The following UGGT1 variants were observed in gnomAD, a reference collection of about 807,000 sequenced individuals.
UGGT1 encodes UDP-glucose:glycoprotein glucosyltransferase 1.
Under a neutral mutation model 203.9 loss-of-function variants are expected in UGGT1, and 107 were observed. The ratio of observed to expected loss-of-function variants is 0.52; its 90% CI spans 0.45 to 0.62. The LOEUF (loss-of-function observed/expected upper bound fraction) is 0.62, where lower values mean the gene tolerates loss of function less well. Ranked by LOEUF, UGGT1 falls within the 20% of genes least tolerant of loss-of-function variation. The pLI is 0.00. For missense variants in UGGT1, 1,673 were observed against 1,867.2 expected, an observed-to-expected ratio of 0.90 and a Z score of 1.92; for synonymous variants, 628 against 653.5, an observed-to-expected ratio of 0.96 and a Z score of 0.59.
intron 10 of UGGT1, 107 bp downstream of exon 10, chr2:128,121,405 C>CTT (rs10636999): frequency 0.31 from 139,681 of 449,430 alleles, 12,181 homozygotes; most frequent in Admixed American, 0.42. Flanking sequence ...AATTAAGATT[C>CTT]TTTTTTTTTT....
chr2:128,177,624 T>C (rs1691466384), intron 32 of UGGT1, among the ~76,000 whole-genome samples: 1 of 152,226 alleles, frequency 6.6e-6, no homozygotes, highest in Non-Finnish European at 1.5e-5. Flanking sequence ...AAGAGGTTGC[T>C]GTCTCCTCAC....
At position 128,127,351 on chromosome 2, in the gene UGGT1, A is replaced by C; in HGVS notation, c.1135-10A>C. On this transcript the variant is annotated splice_polypyrimidine_tract_variant and intron_variant, in intron 11 of 40. Coordinates refer to ENST00000259253, the MANE Select transcript of UGGT1 (RefSeq NM_020120.4). ...CTCACAGCTCCCTAATAATTATTAA[A>C]ATTTTTCAGTATTTCAAGGGAACTT... is the stretch of plus-strand genomic sequence containing the variant. 6.3e-7 allele frequency: 1 copy of C among 1,599,794 alleles called. No individual in the cohort carries two copies. Among genetic ancestry groups the C allele is most frequent in the Non-Finnish European group, 8.5e-7 (1 of 1,169,902 alleles).
intron 25 of UGGT1, among the ~76,000 whole-genome samples, chr2:128,163,977 A>C (rs917876215): frequency 2.0e-5 from 3 of 152,168 alleles, no homozygotes; most frequent in African/African-American, 7.2e-5. Context: ...CCAGGAGTTC[A>C]AGACCAGCCT....
chr2:128,164,543 G>A (rs1274800883), intron 25 of UGGT1, among the ~76,000 whole-genome samples, 187 bp from the exon 26 acceptor site: 1 of 152,168 alleles, frequency 6.6e-6, no homozygotes, highest in Admixed American at 6.5e-5. Context: ...TTTCACATGT[G>A]GGAAAGTGAG....
At chr2:128,120,529 G>A in intron 9 of UGGT1, 73 bp downstream of exon 9, 5 of 1,170,786 alleles carry the variant, frequency 4.3e-6, no homozygotes, top group Non-Finnish European at 6.3e-6. Flanking sequence ...TGCAAAATTT[G>A]AATTTAATTG....
chr2:128,100,018 A>ACT (rs1553431314), intron 2 of UGGT1, among the ~76,000 whole-genome samples: 1 of 34,914 alleles, frequency 2.9e-5, no homozygotes, highest in Non-Finnish European at 5.2e-5. Flanking sequence ...GAGATTTACA[A>ACT]CCCCCCCCCC....
At chr2:128,160,751 A>T (rs2104743458) in intron 24 of UGGT1, among the ~76,000 whole-genome samples, 160 bp downstream of exon 24, 1 of 152,220 alleles carries the variant, frequency 6.6e-6, no homozygotes, top group East Asian at 1.9e-4. Flanking sequence ...ATTTCCAAGG[A>T]GCTGTGCTTT....
chr2:128,151,383 CTT>C (rs1689963873), intron 18 of UGGT1: 1 of 406,620 alleles, frequency 2.5e-6, no homozygotes, highest in African/African-American at 2.1e-5. Flanking sequence ...TTTTTATAGA[CTT>C]TGCCAAATTC....
chr2:128,136,962 T>C lies in UGGT1; in HGVS notation c.1584-1755T>C, dbSNP rs146017340. Among the ~76,000 whole-genome samples, 670 of 152,330 alleles carry C rather than the reference T, an allele frequency of 4.4e-3. 2 individuals are homozygous for C. Among genetic ancestry groups the C allele is most frequent in the African/African-American group, 0.015 (635 of 41,564 alleles). ...TAATTTGCCGTTCCCTAATGACATA[T>C]GATGTTCAGGATCTACTTATATTTA... On this transcript the variant is annotated intron_variant, in intron 15 of 40. Coordinates refer to ENST00000259253, the MANE Select transcript of UGGT1 (RefSeq NM_020120.4).
chr2:128,145,524 A>G (rs1237273979), intron 17 of UGGT1: 3 of 60,326 alleles, frequency 5.0e-5, no homozygotes, highest in Admixed American at 3.4e-4. Flanking sequence ...ACACACACAC[A>G]TACACAAACA....
rs1046947885 is a variant in UGGT1, at chr2:128,123,195, A to G, written c.1083A>G (p.Thr361=). The change falls in exon 11 of 41, where the codon ACA becomes ACG. Residue 361 remains threonine, a synonymous_variant. Coordinates refer to ENST00000259253, the MANE Select transcript of UGGT1 (RefSeq NM_020120.4). The stretch of plus-strand genomic sequence containing the variant: ...GTTTTTATTTCCTTAGAGCAATAAC[A>G]AAAACAGCTGTGAGCTCAGAACTTA... ...QNFPTKARAI[T]KTAVSSELRT... The G allele has an allele frequency of 4.3e-6, 7 of 1,613,258 alleles. No homozygotes were observed. The highest frequency in any genetic ancestry group is 5.9e-6 in the Non-Finnish European group (7 of 1,179,530).
intron 31 of UGGT1, among the ~76,000 whole-genome samples, chr2:128,175,340 A>G (rs1345776330): frequency 1.3e-5 from 2 of 152,232 alleles, no homozygotes; most frequent in African/African-American, 2.4e-5. Flanking sequence ...CATTCCCTCT[A>G]TAGCCAGCTT....
At chr2:128,113,375 T>C in intron 6 of UGGT1, 117 bp downstream of exon 6, 1 of 884,612 alleles carries the variant, frequency 1.1e-6, no homozygotes, top group Non-Finnish European at 1.6e-6. Flanking sequence ...ATCCCTTTTT[T>C]GACAAATCCA....
At chr2:128,130,092 C>T (rs561768595) in intron 13 of UGGT1, among the ~76,000 whole-genome samples, 2 of 152,140 alleles carry the variant, frequency 1.3e-5, no homozygotes, top group South Asian at 4.2e-4. Flanking sequence ...GAAACCCCGT[C>T]TGTACTCAAA....
rs767747530 is a variant in UGGT1 at position 128,138,760 on chromosome 2, G to A, written c.1627G>A (p.Gly543Arg). 3.7e-6 allele frequency: 6 copies of A among 1,614,076 alleles called. No homozygotes were observed. Among genetic ancestry groups the A allele is most frequent in the South Asian group, 1.1e-5 (1 of 91,074 alleles). ...FVVNDSEDVD[G>R]MQDAGVAVLR... ...GGTTAATGACTCTGAAGATGTTGATGGGATGCAAGATGCTGGAGTGGCTGT... is the reference window on the plus strand; with the variant it reads ...GGTTAATGACTCTGAAGATGTTGATAGGATGCAAGATGCTGGAGTGGCTGT... The change falls in exon 16 of 41, where the codon GGG becomes AGG. Residue 543 changes from glycine to arginine, a missense_variant. Coordinates refer to ENST00000259253, the MANE Select transcript of UGGT1 (RefSeq NM_020120.4).
chr2:128,098,873 G>A (rs1687237194), intron 2 of UGGT1, among the ~76,000 whole-genome samples: 1 of 151,970 alleles, frequency 6.6e-6, no homozygotes, highest in Non-Finnish European at 1.5e-5. Context: ...TATTCCAAGT[G>A]TGCTTTTTAG....
At chr2:128,165,963 T>G (rs1378694358) in intron 26 of UGGT1, among the ~76,000 whole-genome samples, 1 of 152,132 alleles carries the variant, frequency 6.6e-6, no homozygotes, top group Non-Finnish European at 1.5e-5. Flanking sequence ...GGTCTCACTG[T>G]GTTGCCCAGG....
chr2:128,116,462 C>A, intron 8 of UGGT1, 119 bp downstream of exon 8: 1 of 643,252 alleles, frequency 1.6e-6, no homozygotes. Flanking sequence ...CCTAACAGTA[C>A]TTTATGTATG....
intron 21 of UGGT1, among the ~76,000 whole-genome samples, 167 bp downstream of exon 21, chr2:128,156,582 G>C (rs1278675651): frequency 1.5e-5 from 2 of 137,246 alleles, no homozygotes; most frequent in African/African-American, 5.6e-5. Flanking sequence ...TTTTGAGACA[G>C]AGTCTCATTC....
Sources: gnomAD v4.1 joint callset for allele counts (sites outside exome capture counted in the v4.1 genomes callset) on GRCh38, gnomAD v4.1.1 for gene constraint, MANE v1.5 for transcripts, NCBI Gene and HGNC (gene_info 2026-07-23, HGNC 2026-07-21) for gene names.